Variants in DAB1 observed in about 807,000 individuals in gnomAD.
DAB1 encodes the protein disabled homolog 1.
In DAB1, 15 loss-of-function variants were observed where a neutral mutation model predicts 64.6. The ratio of observed to expected loss-of-function variants is 0.23; its 90% CI spans 0.16 to 0.36. The LOEUF is 0.36. Among genes scored for constraint, DAB1 ranks in the 10% least tolerant of loss-of-function variants. DAB1 has a pLI of 1.00. For missense variants in DAB1, 596 were observed against 706.7 expected (o/e 0.84, Z 1.78); for synonymous variants, 235 against 251.9 (o/e 0.93, Z 0.64).
chr1:57,606,593 T>TATATATATGAAATATATA (rs1553199516), intron 7 of DAB1, among the ~76,000 whole-genome samples: 13 of 80,280 alleles, frequency 1.6e-4, no homozygotes, highest in Middle Eastern at 0.011. Context: ...TATAATATAT[T>TATATATATGAAATATATA]ATATATTATA....
At position 57,677,190 on chromosome 1, in the gene DAB1, C is replaced by T. The variant is rs148845454; in HGVS notation, n.552-27525G>A. On this transcript the variant is annotated intron_variant and non_coding_transcript_variant, in intron 6 of 20. Transcript: ENST00000485760. ...CAGAAAGAGAGGCCTTACTAGAAACCAATCCTGATGATACCTTGATCTTGG... is the reference window on the plus strand; with the variant it reads ...CAGAAAGAGAGGCCTTACTAGAAACTAATCCTGATGATACCTTGATCTTGG... Among the ~76,000 whole-genome samples the T allele has an allele frequency of 5.7e-3, 867 of 152,256 alleles. 1 individual carries two copies. Among genetic ancestry groups the T allele is most frequent in the Admixed American group, 0.011 (174 of 15,298 alleles).
At chr1:57,174,896 GGGA>G (rs1662138509) in intron 2 of DAB1, among the ~76,000 whole-genome samples, 1 of 152,046 alleles carries the variant, frequency 6.6e-6, no homozygotes, top group African/African-American at 2.4e-5. Context: ...TTGTAAGTCA[GGGA>G]AACATGAGTA....
intron 3 of DAB1, among the ~76,000 whole-genome samples, chr1:58,372,218 G>A (rs1008514101): frequency 2.0e-5 from 3 of 152,230 alleles, no homozygotes; most frequent in Non-Finnish European, 4.4e-5. Context: ...AAGGCCTAGG[G>A]AGCCCACCCT....
intron 7 of DAB1, among the ~76,000 whole-genome samples, chr1:57,621,940 G>C (rs975759264): frequency 4.6e-5 from 7 of 152,178 alleles, no homozygotes; most frequent in African/African-American, 1.7e-4. Flanking sequence ...ATAGAGCAAG[G>C]CATCAGTAGG....
At chr1:57,492,858 A>C (rs1644181328) in intron 7 of DAB1, among the ~76,000 whole-genome samples, 1 of 152,146 alleles carries the variant, frequency 6.6e-6, no homozygotes, top group Non-Finnish European at 1.5e-5. Flanking sequence ...CTCTCTTTGC[A>C]TGAAATAATC....
At chr1:57,351,705 T>C (rs772575953) in intron 1 of DAB1, among the ~76,000 whole-genome samples, 2 of 152,000 alleles carry the variant, frequency 1.3e-5, no homozygotes, top group Non-Finnish European at 2.9e-5. Context: ...TCATGTGATT[T>C]TTCCAGAGCA....
At chr1:57,014,849 A>T (rs901448437) in intron 12 of DAB1, 34 bp downstream of exon 12, 2 of 1,506,708 alleles carry the variant, frequency 1.3e-6, no homozygotes, top group Middle Eastern at 1.8e-4. Flanking sequence ...TACGGCTCTC[A>T]TTGGGTTTTA....
At chr1:58,314,862 G>T (rs1249298596) in intron 4 of DAB1, among the ~76,000 whole-genome samples, 1 of 152,180 alleles carries the variant, frequency 6.6e-6, no homozygotes, top group Admixed American at 6.5e-5. Context: ...TAAAGGATTT[G>T]ATTTGATCCC....
At position 56,997,791 on chromosome 1, in the gene DAB1, AT is replaced by A. The variant is rs1645687246; in HGVS notation, c.*352del. The A allele has an allele frequency of 6.6e-6, 1 of 152,214 alleles. No homozygotes were observed. The highest frequency in any genetic ancestry group is 6.5e-5 in the Admixed American group (1 of 15,284). The allele number at this position is 152,214 out of a possible 1,614,324, so 9.4% of individuals were successfully genotyped here. A position where few individuals can be genotyped will look rare whatever the true frequency, so the allele number is the denominator to read the frequency against. The stretch of plus-strand genomic sequence containing the variant: ...AGGTAGAGAAATAAAAAGGGAATTA[AT>A]AATTTTGCACACTGAGTCATCTTAA... On this transcript the variant is annotated 3_prime_UTR_variant, in exon 15 of 15. Coordinates refer to ENST00000371236, the MANE Select transcript of DAB1 (RefSeq NM_001365792.1).
intron 6 of DAB1, among the ~76,000 whole-genome samples, chr1:57,820,457 A>G (rs1652065597): frequency 6.6e-6 from 1 of 152,210 alleles, no homozygotes; most frequent in African/African-American, 2.4e-5. Flanking sequence ...AGAAGCTGCA[A>G]TTGAGAATTT....
At chr1:58,037,699 C>T (rs4912177) in intron 5 of DAB1, among the ~76,000 whole-genome samples, 68,389 of 151,714 alleles carry the variant, frequency 0.45, 15,668 homozygotes, top group African/African-American at 0.5. Context: ...CCAAAAAAGG[C>T]TGGGGACTGC....
At chr1:57,818,272 T>A (rs753033490) in intron 6 of DAB1, among the ~76,000 whole-genome samples, 26 of 152,098 alleles carry the variant, frequency 1.7e-4, no homozygotes, top group Non-Finnish European at 3.7e-4. Context: ...CACAAAGGAA[T>A]ATGTGCAATA....
chr1:57,535,493 CTG>C (rs1644716014), intron 7 of DAB1, among the ~76,000 whole-genome samples: 1 of 125,404 alleles, frequency 8.0e-6, no homozygotes, highest in Non-Finnish European at 1.6e-5. Context: ...TTTTTGGAGA[CTG>C]TGTCTTGCTC....
intron 3 of DAB1, among the ~76,000 whole-genome samples, chr1:58,418,172 C>T (rs777578693): frequency 6.6e-6 from 1 of 152,302 alleles, no homozygotes; most frequent in South Asian, 2.1e-4. Context: ...TATAGCTTTG[C>T]TGCAAAATAG....
intron 1 of DAB1, chr1:58,546,529 T>C (rs1180574036): frequency 7.3e-6 from 1 of 136,292 alleles, no homozygotes; most frequent in African/African-American, 2.8e-5. Flanking sequence ...CGCAGCCTTA[T>C]CGCCCACCCA....
intron 6 of DAB1, among the ~76,000 whole-genome samples, chr1:57,719,539 C>T (rs969556772): frequency 1.8e-4 from 28 of 152,208 alleles, no homozygotes; most frequent in Non-Finnish European, 2.1e-4. Flanking sequence ...GTGATTAGAT[C>T]ACGGGGGCAG....
intron 4 of DAB1, among the ~76,000 whole-genome samples, chr1:58,335,532 G>A (rs974924454): frequency 3.9e-5 from 6 of 152,186 alleles, no homozygotes; most frequent in East Asian, 3.9e-4. Flanking sequence ...CAGTCTTTGC[G>A]AATGGTGTCT....
chr1:57,415,135 T>C (rs541044348), intron 1 of DAB1, among the ~76,000 whole-genome samples: 56 of 152,056 alleles, frequency 3.7e-4, no homozygotes, highest in East Asian at 3.9e-4. Flanking sequence ...TATAATAAAG[T>C]TTGGTTAGGG....
intron 5 of DAB1, among the ~76,000 whole-genome samples, chr1:58,002,894 CT>C (rs910574577): frequency 4.3e-4 from 66 of 151,992 alleles, no homozygotes; most frequent in East Asian, 1.9e-3. Context: ...CTTTTGAGTC[CT>C]TTTTTTAAAA....
Sources: gnomAD v4.1 joint callset for allele counts (sites outside exome capture counted in the v4.1 genomes callset) on GRCh38, gnomAD v4.1.1 for gene constraint, MANE v1.5 for transcripts, NCBI Gene and HGNC (gene_info 2026-07-23, HGNC 2026-07-21) for gene names.